Variants in EYA2 observed in about 807,000 individuals in gnomAD.
EYA2 encodes the protein protein phosphatase EYA2.
A neutral mutation model predicts 69.2 loss-of-function variants in EYA2; 31 were observed. That is an observed-to-expected ratio of 0.45 (90% CI 0.34 to 0.60). The LOEUF (loss-of-function observed/expected upper bound fraction) is 0.60. Ranked by LOEUF, EYA2 falls within the 20% of genes least tolerant of loss-of-function variation. The pLI is 0.02. For missense variants in EYA2, 622 were observed against 701.2 expected (o/e 0.89, Z 1.28); for synonymous variants, 257 against 279.4 (o/e 0.92, Z 0.80).
At chr20:46,981,829 G>A (rs1980852691) in intron 1 of EYA2, among the ~76,000 whole-genome samples, 2 of 152,090 alleles carry the variant, frequency 1.3e-5, no homozygotes, top group Non-Finnish European at 2.9e-5. Flanking sequence ...TAATAAGCAT[G>A]TAGTTAGGTT....
rs552169554 is a variant in EYA2 at position 46,984,858 on chromosome 20, C to T, written c.-10-5143C>T. Among the ~76,000 whole-genome samples, 45 of 152,270 alleles carry T rather than the reference C, an allele frequency of 3.0e-4. 1 individual carries two copies. Among genetic ancestry groups the T allele is most frequent in the East Asian group, 5.8e-4 (3 of 5,190 alleles). Reference sequence around the variant, plus strand: ...TTATAAGGTGGCTGAGAGATAAAGGCTACCTAGCTGTTCACCACCAGGGCA... The same window carrying T: ...TTATAAGGTGGCTGAGAGATAAAGGTTACCTAGCTGTTCACCACCAGGGCA... On this transcript the variant is annotated intron_variant, in intron 1 of 15. Transcript: ENST00000327619.
At chr20:47,042,053 A>G (rs1985100877) in intron 5 of EYA2, among the ~76,000 whole-genome samples, 1 of 152,246 alleles carries the variant, frequency 6.6e-6, no homozygotes, top group African/African-American at 2.4e-5. Flanking sequence ...CCAAGTATCC[A>G]AATCTGAAGA....
chr20:47,142,344 G>T (rs1487057295), intron 9 of EYA2, among the ~76,000 whole-genome samples: 2 of 152,232 alleles, frequency 1.3e-5, no homozygotes, highest in African/African-American at 4.8e-5. Context: ...ATACAGAAAG[G>T]AGGCACTTTC....
chr20:46,963,019 C>T (rs1979564276), intron 1 of EYA2, among the ~76,000 whole-genome samples: 1 of 151,644 alleles, frequency 6.6e-6, no homozygotes, highest in African/African-American at 2.4e-5. Context: ...CTCGCTCTAC[C>T]CCTCCACCCC....
intron 1 of EYA2, among the ~76,000 whole-genome samples, chr20:46,946,162 T>C (rs1362056960): frequency 6.6e-6 from 1 of 152,128 alleles, no homozygotes; most frequent in East Asian, 1.9e-4. Flanking sequence ...ACCTCACCCA[T>C]TGGATCCCTG....
At position 47,123,221 on chromosome 20, in the gene EYA2, C is replaced by T. The variant is rs189505486; in HGVS notation, c.889-19838C>T. Among the ~76,000 whole-genome samples, 236 of 151,842 alleles carry T rather than the reference C, an allele frequency of 1.6e-3. 4 individuals carry two copies. In the South Asian group the frequency reaches 0.029, roughly 19 times the overall value. ...ATTCATGGGGTACATGGTGATGTTT[C>T]GATGCATATAAAGTATAATGATCAG... On this transcript the variant is annotated intron_variant, in intron 9 of 15. Coordinates refer to ENST00000327619, the MANE Select transcript of EYA2 (RefSeq NM_005244.5).
intron 15 of EYA2, among the ~76,000 whole-genome samples, chr20:47,187,609 G>T (rs774912137): frequency 1.3e-5 from 2 of 152,136 alleles, no homozygotes; most frequent in African/African-American, 2.4e-5. Flanking sequence ...AGGATTCAGA[G>T]CACTGCAGCC....
intron 5 of EYA2, among the ~76,000 whole-genome samples, chr20:47,044,275 G>A (rs960706888): frequency 2.0e-5 from 3 of 151,984 alleles, no homozygotes; most frequent in Non-Finnish European, 4.4e-5. Flanking sequence ...ACCCTTCCAA[G>A]AACCACAGAT....
Position 46,904,962 on chromosome 20 carries a change from G to A in EYA2, c.-11+9975G>A, listed in dbSNP as rs557211634. ...ATAAAGTGGTGGTGGGAGTCTGAACGGTTAGCTCTCCCCATGGATGTTTTA... is the reference window on the plus strand; with the variant it reads ...ATAAAGTGGTGGTGGGAGTCTGAACAGTTAGCTCTCCCCATGGATGTTTTA... On this transcript the variant is annotated intron_variant, in intron 1 of 15. Coordinates refer to ENST00000327619, the MANE Select transcript of EYA2 (RefSeq NM_005244.5). Among the ~76,000 whole-genome samples the A allele has an allele frequency of 7.2e-5, 11 of 152,224 alleles. No individual in the cohort carries two copies. In the East Asian group the frequency reaches 7.7e-4, roughly 11 times the overall value.
chr20:46,964,807 C>G (rs1424442934), intron 1 of EYA2, among the ~76,000 whole-genome samples: 1 of 152,150 alleles, frequency 6.6e-6, no homozygotes, highest in African/African-American at 2.4e-5. Context: ...CCGGGCAGTG[C>G]GGCTCTAGAG....
At chr20:47,051,899 G>A (rs1471645005) in intron 5 of EYA2, among the ~76,000 whole-genome samples, 1 of 152,230 alleles carries the variant, frequency 6.6e-6, no homozygotes, top group Non-Finnish European at 1.5e-5. Context: ...TCGGGGCTCA[G>A]CATAGTGCCC....
intron 5 of EYA2, among the ~76,000 whole-genome samples, chr20:47,056,538 T>C (rs2030620660): frequency 1.3e-5 from 2 of 152,200 alleles, no homozygotes; most frequent in Non-Finnish European, 2.9e-5. Flanking sequence ...CTCTGGCCCT[T>C]GTATCCCACG....
rs75389983 is a variant in EYA2 at position 46,917,303 on chromosome 20, C to G, written c.-11+22316C>G. On this transcript the variant is annotated intron_variant, in intron 1 of 15. Coordinates refer to ENST00000327619, the MANE Select transcript of EYA2 (RefSeq NM_005244.5). ...AGTGCTCAGGAAATAGCAGCGAATG[C>G]ATGCACAGACTCCCTGCCAAGAGGG... Among the ~76,000 whole-genome samples the G allele has an allele frequency of 5.7e-3, 874 of 152,330 alleles. 13 individuals are homozygous for G. The highest frequency in any genetic ancestry group is 0.02 in the African/African-American group (816 of 41,560).
intron 8 of EYA2, among the ~76,000 whole-genome samples, chr20:47,096,663 A>C (rs886111507): frequency 2.0e-5 from 3 of 152,208 alleles, no homozygotes; most frequent in African/African-American, 7.2e-5. Context: ...TAAGGGTATA[A>C]ATATGTTACT....
At chr20:47,104,554 C>G (rs1214863162) in intron 9 of EYA2, among the ~76,000 whole-genome samples, 1 of 152,150 alleles carries the variant, frequency 6.6e-6, no homozygotes, top group East Asian at 1.9e-4. Context: ...TAAGAATTTT[C>G]TCATTTTAGC....
In EYA2 at chr20:46,908,870, C is replaced by CTTTT. The variant is rs56834738; in HGVS notation, c.-11+13917_-11+13920dup. Among the ~76,000 whole-genome samples the CTTTT allele has an allele frequency of 1.4e-3, 66 of 47,574 alleles. 14 individuals are homozygous for CTTTT. The highest frequency in any genetic ancestry group is 3.0e-3 in the South Asian group (3 of 998). The allele number at this position is 47,574 out of a possible 152,430, so 31.2% of individuals were successfully genotyped here. A position where few individuals can be genotyped will look rare whatever the true frequency, so the allele number is the denominator to read the frequency against. On this transcript the variant is annotated intron_variant, in intron 1 of 15. Coordinates refer to ENST00000327619, the MANE Select transcript of EYA2 (RefSeq NM_005244.5). Reference sequence around the variant, plus strand: ...AAAGGCACTAAGCCTCTCTCCCGCACTTTTTTTTTTTTTTTTTTTTTTTTT... The same window carrying CTTTT: ...AAAGGCACTAAGCCTCTCTCCCGCACTTTTTTTTTTTTTTTTTTTTTTTTTTTTT...
rs888120839 is a variant in EYA2 at position 46,980,411 on chromosome 20, G to A, written c.-10-9590G>A. Among the ~76,000 whole-genome samples, 6 of 152,224 alleles carry A rather than the reference G, an allele frequency of 3.9e-5. No homozygotes were observed. In the East Asian group the frequency reaches 5.8e-4, roughly 15 times the overall value. On this transcript the variant is annotated intron_variant, in intron 1 of 15. Transcript: ENST00000327619. ...TCTCCTCCAATACAATAATAAAACG[G>A]TGTGGTTCGTAAGACAAAAAACTCG...
chr20:47,040,186 G>C, intron 5 of EYA2, among the ~76,000 whole-genome samples: 1 of 152,186 alleles, frequency 6.6e-6, no homozygotes, highest in Admixed American at 6.5e-5. Context: ...TGCTTGGTGA[G>C]ACTGCACCCA....
intron 5 of EYA2, among the ~76,000 whole-genome samples, chr20:47,033,266 A>G (rs553167311): frequency 6.6e-6 from 1 of 152,340 alleles, no homozygotes; most frequent in East Asian, 1.9e-4. Flanking sequence ...GTGTATTTCT[A>G]GAAGGGGTGA....
Sources: allele counts gnomAD v4.1 joint callset (sites outside exome capture counted in the v4.1 genomes callset), GRCh38; gene constraint gnomAD v4.1.1; transcripts MANE v1.5; gene names NCBI Gene and HGNC (gene_info 2026-07-23, HGNC 2026-07-21).